The following ADIPOR1 variants were observed in gnomAD, a reference collection of about 807,000 sequenced individuals.
ADIPOR1 encodes adiponectin receptor 1, also known as adiponectin receptor protein 1.
Under a neutral mutation model 37.5 loss-of-function variants are expected in ADIPOR1, and 15 were observed. The ratio of observed to expected loss-of-function variants is 0.40; its 90% CI spans 0.27 to 0.62. ADIPOR1 has a LOEUF of 0.62. Among genes scored for constraint, ADIPOR1 ranks in the 20% least tolerant of loss-of-function variants. ADIPOR1 has a pLI of 0.42. For missense variants in ADIPOR1, 286 were observed against 478.0 expected (o/e 0.60, Z 3.75); for synonymous variants, 173 against 173.2 (o/e 1.00, Z 0.01).
rs373482638 is a variant in ADIPOR1, at chr1:202,955,103, C to T, written c.-95+3082G>A. On this transcript the variant is annotated intron_variant, in intron 1 of 7. Coordinates refer to ENST00000340990, the MANE Select transcript of ADIPOR1 (RefSeq NM_015999.6). Reference sequence around the variant, plus strand: ...GGAGAAATATGAATCAAAGCAAAGGCACATGTTTGAAATCACCGAACTACA... The same window carrying T: ...GGAGAAATATGAATCAAAGCAAAGGTACATGTTTGAAATCACCGAACTACA... Among the ~76,000 whole-genome samples the T allele has an allele frequency of 6.6e-5, 10 of 152,310 alleles. No individual in the cohort carries two copies. The South Asian group carries it at 2.1e-3, about 32-fold the overall frequency.
intron 6 of ADIPOR1, 65 bp downstream of exon 6, chr1:202,943,693 A>G: frequency 6.6e-7 from 1 of 1,506,588 alleles, no homozygotes; most frequent in East Asian, 2.3e-5. Flanking sequence ...AGGCTCAAAT[A>G]GGTTTGAGCC....
chr1:202,949,593 A>AAC (rs1553243416), intron 2 of ADIPOR1, among the ~76,000 whole-genome samples: 5 of 138,334 alleles, frequency 3.6e-5, no homozygotes, highest in Non-Finnish European at 7.8e-5. Context: ...AAAAAAAAAA[A>AAC]AAAACACACC....
In ADIPOR1 at chr1:202,942,181, G is replaced by A; in HGVS notation, c.843C>T (p.Pro281=). The A allele has an allele frequency of 6.2e-7, 1 of 1,614,082 alleles. No homozygotes were observed. Among genetic ancestry groups the A allele is most frequent in the Non-Finnish European group, 8.5e-7 (1 of 1,180,002 alleles). The change falls in exon 7 of 8, where the codon CCC becomes CCT. Residue 281 remains proline, a synonymous_variant. Transcript: ENST00000340990. ...CCTCAGCGATAGTAAAGTGCATGGT[G>A]GGCACGACGCCACTCAAGCCAAGTC... ...FLGLGLSGVV[P]TMHFTIAEGF...
intron 2 of ADIPOR1, among the ~76,000 whole-genome samples, chr1:202,950,402 T>C (rs1370630171): frequency 6.6e-6 from 1 of 152,050 alleles, no homozygotes; most frequent in Admixed American, 6.5e-5. Context: ...GGCGAGATCT[T>C]ATCTCAATAA....
At chr1:202,955,121 G>T (rs1002737525) in intron 1 of ADIPOR1, among the ~76,000 whole-genome samples, 2 of 152,058 alleles carry the variant, frequency 1.3e-5, no homozygotes, top group African/African-American at 2.4e-5. Context: ...TGAAATCACC[G>T]AACTACAGTA....
intron 1 of ADIPOR1, among the ~76,000 whole-genome samples, chr1:202,957,134 CTGG>C (rs1477886928): frequency 6.6e-6 from 1 of 152,178 alleles, no homozygotes; most frequent in Non-Finnish European, 1.5e-5. Flanking sequence ...CCCTAAATTC[CTGG>C]CAGTATACAG....
At chr1:202,946,924 G>C (rs1001935605) in intron 3 of ADIPOR1, among the ~76,000 whole-genome samples, 1 of 151,716 alleles carries the variant, frequency 6.6e-6, no homozygotes, top group African/African-American at 2.4e-5. Context: ...AGACCTGCCT[G>C]ACTAACATGG....
chr1:202,954,318 A>C (rs1654695517), intron 1 of ADIPOR1: 1 of 152,278 alleles, frequency 6.6e-6, no homozygotes, highest in Non-Finnish European at 1.5e-5. Context: ...CTGTAGTAAC[A>C]CAGAGACAGG....
upstream of ADIPOR1, chr1:202,958,319 T>C (rs1323009404): frequency 1.3e-5 from 2 of 152,224 alleles, no homozygotes; most frequent in South Asian, 2.0e-4. Flanking sequence ...ACCTCCCGCG[T>C]CACCTCCGCA....
chr1:202,948,692 G>C (rs1456154710), intron 2 of ADIPOR1, among the ~76,000 whole-genome samples: 2 of 152,168 alleles, frequency 1.3e-5, no homozygotes, highest in African/African-American at 4.8e-5. Context: ...GAATACACCA[G>C]CTCTAGGTAC....
At chr1:202,947,847 C>T (rs1344886664) in intron 3 of ADIPOR1, among the ~76,000 whole-genome samples, 2 of 152,142 alleles carry the variant, frequency 1.3e-5, no homozygotes, top group Admixed American at 6.5e-5. Flanking sequence ...AAGCAACAAA[C>T]CACAGTATTA....
chr1:202,946,345 C>A, intron 4 of ADIPOR1, 94 bp downstream of exon 4: 1 of 1,464,280 alleles, frequency 6.8e-7, no homozygotes, highest in South Asian at 1.2e-5. Context: ...AGAATCCCAG[C>A]TGCCAATCGA....
Position 202,948,472 on chromosome 1 carries a change from C to T in ADIPOR1, c.142-52G>A, listed in dbSNP as rs142877047. On this transcript the variant is annotated intron_variant, in intron 2 of 7. Transcript: ENST00000340990. ...CCAGGGAGTCATCTCATAAATTGTACTATTCCAGAGCAGAGAGACCCAGAA... is the reference window on the plus strand; with the variant it reads ...CCAGGGAGTCATCTCATAAATTGTATTATTCCAGAGCAGAGAGACCCAGAA... 10,555 of 1,531,378 alleles carry T rather than the reference C, an allele frequency of 6.9e-3. 48 individuals are homozygous for T. The highest frequency in any genetic ancestry group is 8.5e-3 in the Non-Finnish European group (9,378 of 1,105,726). The allele number at this position is 1,531,378 out of a possible 1,614,324, so 94.9% of individuals were successfully genotyped here. A position where few individuals can be genotyped will look rare whatever the true frequency, so the allele number is the denominator to read the frequency against.
At chr1:202,942,871 C>T (rs201981780) in intron 6 of ADIPOR1, among the ~76,000 whole-genome samples, 19 of 116,788 alleles carry the variant, frequency 1.6e-4, no homozygotes, top group Admixed American at 5.8e-4. Context: ...TTCTTTCTTT[C>T]TTTTTTTTTT....
chr1:202,946,537 A>G lies in ADIPOR1; in HGVS notation c.332T>C (p.Leu111Pro). The G allele has an allele frequency of 6.2e-7, 1 of 1,614,162 alleles. No homozygotes were observed. Among genetic ancestry groups the G allele is most frequent in the Non-Finnish European group, 8.5e-7 (1 of 1,180,032 alleles). ...PDWLKDNDYL[L>P]HGHRPPMPSF... ...GGGCATGGGAGGTCTATGACCATGT[A>G]GCAGATAGTCGTTGTCCTTTAGCCA... Residue 111 changes from leucine to proline, a missense_variant, in exon 4 of 8, where the codon CTA (leucine) becomes CCA (proline). Leu to Pro is a moderately conservative substitution (Grantham distance 98). Coordinates refer to ENST00000340990, the MANE Select transcript of ADIPOR1 (RefSeq NM_015999.6).
intron 1 of ADIPOR1, among the ~76,000 whole-genome samples, chr1:202,957,349 C>A (rs1410796404): frequency 2.0e-5 from 3 of 152,094 alleles, no homozygotes; most frequent in Non-Finnish European, 4.4e-5. Flanking sequence ...GAGGGAAGTA[C>A]TATGGTTAAT....
rs900364934 is a variant in ADIPOR1, at chr1:202,948,183, A to C, written c.258+121T>G. ...TTGATTTACCTCATCTTAACCAAAAAACAAATCCACTCCTTCCCAGGAATA... is the reference window on the plus strand; with the variant it reads ...TTGATTTACCTCATCTTAACCAAAACACAAATCCACTCCTTCCCAGGAATA... On this transcript the variant is annotated intron_variant, in intron 3 of 7. Coordinates refer to ENST00000340990, the MANE Select transcript of ADIPOR1 (RefSeq NM_015999.6). 8.6e-6 allele frequency: 7 copies of C among 815,386 alleles called. No individual in the cohort carries two copies. In the African/African-American group the frequency reaches 1.2e-4, roughly 14 times the overall value. 50.5% of individuals were successfully genotyped at this position (815,386 alleles called of 1,614,324 possible). A position where few individuals can be genotyped will look rare whatever the true frequency, so the allele number is the denominator to read the frequency against.
chr1:202,943,870 G>C lies in ADIPOR1; in HGVS notation c.693C>G (p.Ser231=), dbSNP rs1158193516. Reference sequence around the variant, plus strand: ...AGAGGTAGATGAGCCGTGGCTGTGGGGAGCAGTAGAAGGAATAATAGAGCC... The same window carrying C: ...AGAGGTAGATGAGCCGTGGCTGTGGCGAGCAGTAGAAGGAATAATAGAGCC... ...VPWLYYSFYC[S]PQPRLIYLSI... The change falls in exon 6 of 8, where the codon TCC becomes TCG. Residue 231 remains serine, a synonymous_variant. Transcript: ENST00000340990. The C allele has an allele frequency of 6.2e-7, 1 of 1,614,134 alleles. No homozygotes were observed. The highest frequency in any genetic ancestry group is 1.1e-5 in the South Asian group (1 of 91,070).
At chr1:202,956,472 CAA>C (rs1558016872) in intron 1 of ADIPOR1, among the ~76,000 whole-genome samples, 1 of 152,048 alleles carries the variant, frequency 6.6e-6, no homozygotes, top group African/African-American at 2.4e-5. Flanking sequence ...AGAGACAAGG[CAA>C]AGAGGAGTCA....
Sources: allele counts gnomAD v4.1 joint callset (sites outside exome capture counted in the v4.1 genomes callset), GRCh38; gene constraint gnomAD v4.1.1; transcripts MANE v1.5; gene names NCBI Gene and HGNC (gene_info 2026-07-23, HGNC 2026-07-21).